Variants in NOTCH4 observed in about 807,000 individuals in gnomAD.
The protein encoded by NOTCH4 is notch receptor 4, also known as neurogenic locus notch homolog protein 4.
NOTCH4 carries 138 observed loss-of-function variants against 189.0 expected under a neutral mutation model. That is an observed-to-expected ratio of 0.73 (90% CI 0.64 to 0.84). NOTCH4 has a LOEUF of 0.84. NOTCH4 is among the 40% of genes least tolerant of loss of function. NOTCH4 has a pLI of 0.00. For missense variants in NOTCH4, 2,286 were observed against 2,605.4 expected (o/e 0.88, Z 2.67); for synonymous variants, 942 against 1,032.8 (o/e 0.91, Z 1.69).
At position 32,203,848 on chromosome 6, in the gene NOTCH4, G is replaced by A. The variant is rs756884509; in HGVS notation, c.3153C>T (p.His1051=). ...TCCCTCCATGAAAGCAGGGTTGGCTGTGGCAGGGGTCTATCTCCACCTCAC... is the reference window on the plus strand; with the variant it reads ...TCCCTCCATGAAAGCAGGGTTGGCTATGGCAGGGGTCTATCTCCACCTCAC... The part of the protein sequence containing the change: ...QWCEVEIDPC[H]SQPCFHGGTC... The change falls in exon 20 of 30, where the codon CAC becomes CAT. Residue 1051 remains histidine, a synonymous_variant. Coordinates refer to ENST00000375023, the MANE Select transcript of NOTCH4 (RefSeq NM_004557.4). 17 of 1,560,174 alleles carry A rather than the reference G, an allele frequency of 1.1e-5. No homozygotes were observed. The African/African-American group carries it at 2.0e-4, about 19-fold the overall frequency.
Position 32,210,919 on chromosome 6 carries a change from G to A in NOTCH4, c.2698C>T (p.Leu900Phe), listed in dbSNP as rs752926790. 4 of 1,598,766 alleles carry A rather than the reference G, an allele frequency of 2.5e-6. No individual in the cohort carries two copies. In the South Asian group the frequency reaches 4.5e-5, roughly 18 times the overall value. ...ALSQGIDVSSLCHNGGLCVDS... is the reference protein window; with the variant it reads ...ALSQGIDVSSFCHNGGLCVDS... ...ACACAGAGGCCTCCATTGTGGCAAA[G>A]GGAAGAGACGTCTATGCCTGGGGAG... is the stretch of plus-strand genomic sequence containing the variant. The change falls in exon 18 of 30, where the codon CTT becomes TTT. Residue 900 changes from leucine to phenylalanine, a missense_variant. This residue lies in a region of NOTCH4 where 1,903 missense variants were observed against 2,261.9 expected (regional missense o/e 0.84). Coordinates refer to ENST00000375023, the MANE Select transcript of NOTCH4 (RefSeq NM_004557.4). The surrounding 1 kb of genome is among the most constrained non-coding windows in gnomAD (Gnocchi z 4.8).
intron 3 of NOTCH4, among the ~76,000 whole-genome samples, chr6:32,222,133 C>T (rs1377583125): frequency 6.6e-6 from 1 of 152,130 alleles, no homozygotes; most frequent in Non-Finnish European, 1.5e-5. Flanking sequence ...TAATGGCTCC[C>T]TCCACTCAGA....
chr6:32,215,326 T>C lies in NOTCH4; in HGVS notation c.1921A>G (p.Lys641Glu). Reference protein sequence around the residue: ...PNLCQPKQICKDQKDKANCLC... With the variant: ...PNLCQPKQICEDQKDKANCLC... Reference sequence around the variant, plus strand: ...CAGTTGGCCTTGTCTTTCTGGTCCTTACATATCTGCTTGGGCTGGCACAGG... The same window carrying C: ...CAGTTGGCCTTGTCTTTCTGGTCCTCACATATCTGCTTGGGCTGGCACAGG... The change falls in exon 12 of 30, where the codon AAG (lysine) becomes GAG (glutamate). Residue 641 changes from lysine (K) to glutamate (E), a missense_variant. Physicochemically the swap from Lys to Glu is moderately conservative, Grantham distance 56 (BLOSUM62 1). This residue lies in a region of NOTCH4 where 1,903 missense variants were observed against 2,261.9 expected (regional missense o/e 0.84). Coordinates refer to ENST00000375023, the MANE Select transcript of NOTCH4 (RefSeq NM_004557.4). The C allele has an allele frequency of 6.2e-7, 1 of 1,610,348 alleles. No homozygotes were observed. Among genetic ancestry groups the C allele is most frequent in the Non-Finnish European group, 8.5e-7 (1 of 1,179,172 alleles).
chr6:32,214,484 T>TATATATATATATATATATATATATAA (rs28383875), intron 12 of NOTCH4, among the ~76,000 whole-genome samples: 1 of 141,176 alleles, frequency 7.1e-6, no homozygotes, highest in East Asian at 2.3e-4. Context: ...TATATATATA[T>TATATATATATATATATATATATATAA]ACACACATAT....
chr6:32,198,699 C>T lies in NOTCH4; in HGVS notation c.4567G>A (p.Asp1523Asn), dbSNP rs1463947242. ...GGGCCTGAGCACATCACAACTCCAT[C>T]CTCATCAACTTCTGCCTTTGGCTTC... ...ALKPKAEVDE[D>N]GVVMCSGPEE... is the part of the protein sequence containing the mutation. Residue 1523 changes from aspartate to asparagine, a missense_variant, in exon 25 of 30, where the codon GAT (aspartate) becomes AAT (asparagine). Physicochemically the swap from Asp to Asn is conservative, Grantham distance 23. Coordinates refer to ENST00000375023, the MANE Select transcript of NOTCH4 (RefSeq NM_004557.4). This position sits in a 1 kb window ranked among gnomAD's most constrained non-coding sequence, Gnocchi z 5.5. 1 of 1,612,610 alleles carries T rather than the reference C, an allele frequency of 6.2e-7. No homozygotes were observed. Among genetic ancestry groups the T allele is most frequent in the Admixed American group, 1.7e-5 (1 of 59,938 alleles).
intron 18 of NOTCH4, among the ~76,000 whole-genome samples, chr6:32,209,209 C>G (rs1221369882): frequency 6.6e-6 from 1 of 152,148 alleles, no homozygotes; most frequent in Non-Finnish European, 1.5e-5. Flanking sequence ...CTTAGTTAGT[C>G]CTGACCTTTC....
Position 32,198,771 on chromosome 6 carries a change from A to C in NOTCH4, c.4536-41T>G. 1.3e-6 allele frequency: 2 copies of C among 1,558,490 alleles called. No individual in the cohort carries two copies. Among genetic ancestry groups the C allele is most frequent in the Non-Finnish European group, 1.7e-6 (2 of 1,154,434 alleles). ...TGGGTAGAGGTTACACGGAATTATG[A>C]CCATCAGGGTCTCCAAAATTTCCAG... On this transcript the variant is annotated intron_variant, in intron 24 of 29. Coordinates refer to ENST00000375023, the MANE Select transcript of NOTCH4 (RefSeq NM_004557.4). The surrounding 1 kb of genome is among the most constrained non-coding windows in gnomAD (Gnocchi z 5.5).
Position 32,195,487 on chromosome 6 carries a change from G to A in NOTCH4, c.5962C>T (p.Pro1988Ser), listed in dbSNP as rs1441887869. 6.2e-7 allele frequency: 1 copy of A among 1,612,558 alleles called. No homozygotes were observed. Among genetic ancestry groups the A allele is most frequent in the Non-Finnish European group, 8.5e-7 (1 of 1,179,720 alleles). Reference protein sequence around the residue: ...RGSPQLDCGPPALQEMPINQG... With the variant: ...RGSPQLDCGPSALQEMPINQG... ...TTTATGGGCATTTCTTGGAGGGCTG[G>A]GGGACCACAGTCAAGTTGAGGTGAT... The change falls in exon 30 of 30, where the codon CCA (proline) becomes TCA (serine). Residue 1988 changes from proline (P) to serine (S), a missense_variant. This residue lies in a region of NOTCH4 where 383 missense variants were observed against 343.5 expected (regional missense o/e 1.11). Coordinates refer to ENST00000375023, the MANE Select transcript of NOTCH4 (RefSeq NM_004557.4). The surrounding 1 kb of genome is among the most constrained non-coding windows in gnomAD (Gnocchi z 5.4).
At position 32,220,741 on chromosome 6, in the gene NOTCH4, G is replaced by A. The variant is rs201261317; in HGVS notation, c.922+15C>T. 1.6e-3 allele frequency: 2,640 copies of A among 1,613,758 alleles called. 4 individuals carry two copies. Among genetic ancestry groups the A allele is most frequent in the Non-Finnish European group, 2.1e-3 (2,527 of 1,179,834 alleles). The stretch of plus-strand genomic sequence containing the variant: ...CTGGGCCATGGGTGTCATGGATGTG[G>A]CTTAAACAACTCACCTGTCCAGGTT... On this transcript the variant is annotated intron_variant, in intron 5 of 29. Transcript: ENST00000375023.
intron 18 of NOTCH4, 38 bp from the exon 19 acceptor site, chr6:32,204,427 G>A (rs1446487859): frequency 1.2e-6 from 2 of 1,602,264 alleles, no homozygotes; most frequent in East Asian, 2.2e-5. Flanking sequence ...ACCAGTGGAT[G>A]AGCCCAACCC....
chr6:32,202,181 T>C lies in NOTCH4; in HGVS notation c.3650A>G (p.His1217Arg). ...VPDPWKGCPS[H>R]SRCWLLFRDG... ...CCGGAAGAGAAGCCAGCACCGAGAGTGGGAGGGGCAGCCCTTCCAGGGGTC... is the reference window on the plus strand; with the variant it reads ...CCGGAAGAGAAGCCAGCACCGAGAGCGGGAGGGGCAGCCCTTCCAGGGGTC... The change falls in exon 21 of 30, where the codon CAC becomes CGC. Residue 1217 changes from histidine to arginine, a missense_variant. Physicochemically the swap from His to Arg is conservative, Grantham distance 29 (BLOSUM62 0). This residue lies in a region of NOTCH4 where 1,903 missense variants were observed against 2,261.9 expected (regional missense o/e 0.84). Transcript: ENST00000375023. The surrounding 1 kb of genome is among the most constrained non-coding windows in gnomAD (Gnocchi z 5.7). 2.7e-6 allele frequency: 4 copies of C among 1,485,660 alleles called. No homozygotes were observed. Among genetic ancestry groups the C allele is most frequent in the Non-Finnish European group, 2.7e-6 (3 of 1,113,994 alleles). 92.0% of individuals were successfully genotyped at this position (1,485,660 alleles called of 1,614,324 possible).
chr6:32,212,642 G>A lies in NOTCH4; in HGVS notation c.2527-15C>T, dbSNP rs2127477692. 2 of 1,603,790 alleles carry A rather than the reference G, an allele frequency of 1.2e-6. No individual in the cohort carries two copies. Among genetic ancestry groups the A allele is most frequent in the Non-Finnish European group, 1.7e-6 (2 of 1,175,274 alleles). ...TCCATCAGAGTCTGAGGGGTGGGAG[G>A]GAGCGTGAGGCAGGACATAGCATCA... On this transcript the variant is annotated splice_polypyrimidine_tract_variant and intron_variant, in intron 16 of 29. Coordinates refer to ENST00000375023, the MANE Select transcript of NOTCH4 (RefSeq NM_004557.4). This position sits in a 1 kb window ranked among gnomAD's most constrained non-coding sequence, Gnocchi z 4.4.
intron 2 of NOTCH4, 33 bp from the exon 3 acceptor site, chr6:32,222,839 C>T: frequency 6.2e-7 from 1 of 1,605,794 alleles, no homozygotes; most frequent in Non-Finnish European, 8.5e-7. Flanking sequence ...ACTCACATCA[C>T]TGGTCCCTCT....
rs1726006352 is a variant in NOTCH4, at chr6:32,203,803, T to G, written c.3198A>C (p.Gly1066=). 6.4e-7 allele frequency: 1 copy of G among 1,559,462 alleles called. No individual in the cohort carries two copies. The highest frequency in any genetic ancestry group is 1.4e-5 in the African/African-American group (1 of 73,902). ...AGTGGCAGATGAAACCCAGGGGTGATCCTGCTGTGGCCTCACAGGTCCCTC... is the reference window on the plus strand; with the variant it reads ...AGTGGCAGATGAAACCCAGGGGTGAGCCTGCTGTGGCCTCACAGGTCCCTC... ...FHGGTCEATA[G]SPLGFICHCP... Residue 1066 remains glycine, a synonymous_variant, in exon 20 of 30, where the codon GGA becomes GGC. Transcript: ENST00000375023.
chr6:32,207,631 C>A (rs1243910388), intron 18 of NOTCH4, among the ~76,000 whole-genome samples: 1 of 42,146 alleles, frequency 2.4e-5, no homozygotes, highest in African/African-American at 6.9e-5. Flanking sequence ...GACTCTATCC[C>A]CCCCCCCCAA....
rs1789623123 is a variant in NOTCH4 at position 32,219,629 on chromosome 6, C to T, written c.1473G>A (p.Leu491=). 6.2e-7 allele frequency: 1 copy of T among 1,612,948 alleles called. No homozygotes were observed. The highest frequency in any genetic ancestry group is 8.5e-7 in the Non-Finnish European group (1 of 1,180,010). The change falls in exon 8 of 30, where the codon CTG becomes CTA. Residue 491 remains leucine, a synonymous_variant. Transcript: ENST00000375023. ...GGCAGTGGAAGGTGGCAAGTAGGTC[C>T]AGACAGGTGCTTCCTGGGTGGCAGG... ...SQPCHPGSTC[L]DLLATFHCLC...
Position 32,222,692 on chromosome 6 carries a change from G to T in NOTCH4, c.270C>A (p.Leu90=). The change falls in exon 3 of 30, where the codon CTC becomes CTA. Residue 90 remains leucine, a synonymous_variant. Transcript: ENST00000375023. The part of the protein sequence containing the change: ...CQALLPAPLG[L]PSSPSPLTPS... Reference sequence around the variant, plus strand: ...GTGTCAATGGAGAGGGAGAGCTGGGGAGCCCTAGGGGAGCGGGAAGCAGGG... The same window carrying T: ...GTGTCAATGGAGAGGGAGAGCTGGGTAGCCCTAGGGGAGCGGGAAGCAGGG... 6.2e-7 allele frequency: 1 copy of T among 1,605,198 alleles called. No individual in the cohort carries two copies. The highest frequency in any genetic ancestry group is 8.5e-7 in the Non-Finnish European group (1 of 1,177,544).
chr6:32,213,357 G>C, intron 14 of NOTCH4, 105 bp from the exon 15 acceptor site: 1 of 709,266 alleles, frequency 1.4e-6, no homozygotes, highest in East Asian at 2.6e-5. Flanking sequence ...CCATCAAAAC[G>C]ACAGCTCACT....
In NOTCH4 at chr6:32,201,196, T is replaced by C; in HGVS notation, c.4060A>G (p.Thr1354Ala). 1 of 1,612,786 alleles carries C rather than the reference T, an allele frequency of 6.2e-7. No homozygotes were observed. The highest frequency in any genetic ancestry group is 8.5e-7 in the Non-Finnish European group (1 of 1,179,908). Reference protein sequence around the residue: ...GARAEEKLGGTRDPTYQERAA... With the variant: ...GARAEEKLGGARDPTYQERAA... ...CTCTCCTGATAGGTGGGGTCCCGAG[T>C]TCCTCCTAGCTTTTCTTCAGCCCGG... The change falls in exon 22 of 30, where the codon ACT (threonine) becomes GCT (alanine). Residue 1354 changes from threonine (T) to alanine (A), a missense_variant. Around this residue, in one of 2 missense-constraint regions of NOTCH4, gnomAD observed 1,903 missense variants for 2,261.9 expected, o/e 0.84. Transcript: ENST00000375023. The surrounding 1 kb of genome is among the most constrained non-coding windows in gnomAD (Gnocchi z 5.5).
Sources: gnomAD v4.1 joint callset for allele counts (sites outside exome capture counted in the v4.1 genomes callset) on GRCh38, gnomAD v4.1.1 for gene constraint, gnomAD v4.1.1 regional missense constraint, Gnocchi (gnomAD v3.1) non-coding constraint, MANE v1.5 for transcripts, NCBI Gene and HGNC (gene_info 2026-07-23, HGNC 2026-07-21) for gene names.